CNTNAP2: variants seen among roughly 807,000 people sequenced by gnomAD.
CNTNAP2 encodes contactin-associated protein-like 2.
Under a neutral mutation model 155.2 loss-of-function variants are expected in CNTNAP2, and 98 were observed. The observed-to-expected ratio is 0.63, with a 90% CI of 0.54 to 0.75. The LOEUF (loss-of-function observed/expected upper bound fraction) is 0.75. Among genes scored for constraint, CNTNAP2 ranks in the 30% least tolerant of loss-of-function variants. The pLI, the probability that CNTNAP2 is intolerant of heterozygous loss-of-function variation, is 0.00. For missense variants in CNTNAP2, 1,727 were observed against 1,688.1 expected (o/e 1.02, Z -0.40); for synonymous variants, 651 against 631.2 (o/e 1.03, Z -0.47).
intron 11 of CNTNAP2, among the ~76,000 whole-genome samples, chr7:147,512,281 T>G (rs1488023398): frequency 1.3e-5 from 2 of 152,198 alleles, no homozygotes; most frequent in Admixed American, 6.5e-5. Context: ...TGAGACAGTT[T>G]TTTGGAACCA....
At chr7:146,646,925 C>G (rs879899804) in intron 1 of CNTNAP2, among the ~76,000 whole-genome samples, 1 of 152,080 alleles carries the variant, frequency 6.6e-6, no homozygotes, top group African/African-American at 2.4e-5. Context: ...TGACACAGGA[C>G]AAATTATAAA....
chr7:146,653,417 G>A (rs1217118670), intron 1 of CNTNAP2, among the ~76,000 whole-genome samples: 1 of 152,108 alleles, frequency 6.6e-6, no homozygotes, highest in African/African-American at 2.4e-5. Context: ...TGCCTTCATG[G>A]AGCTTCTCGG....
chr7:147,334,608 A>G (rs546507703), intron 9 of CNTNAP2, among the ~76,000 whole-genome samples: 13 of 152,300 alleles, frequency 8.5e-5, no homozygotes, highest in African/African-American at 3.1e-4. Flanking sequence ...GATCTGCACA[A>G]TTTGGAGATC....
At chr7:147,139,084 A>T (rs1801547371) in intron 8 of CNTNAP2, among the ~76,000 whole-genome samples, 1 of 152,098 alleles carries the variant, frequency 6.6e-6, no homozygotes, top group Admixed American at 6.6e-5. Context: ...CATGTAGTTG[A>T]AGATGTTTCT....
intron 1 of CNTNAP2, among the ~76,000 whole-genome samples, chr7:146,259,723 A>G (rs1442576113): frequency 6.6e-6 from 1 of 152,186 alleles, no homozygotes; most frequent in Admixed American, 6.5e-5. Context: ...GATTACCTAA[A>G]ACTGATACTT....
At chr7:146,443,111 G>A (rs1448119555) in intron 1 of CNTNAP2, among the ~76,000 whole-genome samples, 2 of 151,920 alleles carry the variant, frequency 1.3e-5, no homozygotes, top group Non-Finnish European at 2.9e-5. Flanking sequence ...CTACTAGGGA[G>A]GCTGAGGCAG....
At chr7:146,494,690 G>C (rs1258704207) in intron 1 of CNTNAP2, among the ~76,000 whole-genome samples, 1 of 152,084 alleles carries the variant, frequency 6.6e-6, no homozygotes, top group African/African-American at 2.4e-5. Flanking sequence ...TAACCTGAGT[G>C]GGGGTCTTAA....
chr7:147,010,786 G>A (rs1433145743), intron 3 of CNTNAP2, among the ~76,000 whole-genome samples: 3 of 152,086 alleles, frequency 2.0e-5, no homozygotes, highest in East Asian at 1.9e-4. Context: ...TCATTGTAGT[G>A]ATAATCAATG....
chr7:146,463,385 A>T (rs532464851), intron 1 of CNTNAP2, among the ~76,000 whole-genome samples: 60 of 152,164 alleles, frequency 3.9e-4, no homozygotes, highest in African/African-American at 1.4e-3. Flanking sequence ...ATTAGTTCCA[A>T]ATTCTAAGCA....
At chr7:147,086,815 G>A (rs182751664) in intron 4 of CNTNAP2, among the ~76,000 whole-genome samples, 9 of 152,062 alleles carry the variant, frequency 5.9e-5, no homozygotes, top group Admixed American at 2.0e-4. Flanking sequence ...ATAATGTCTG[G>A]GAAACAGCAA....
intron 1 of CNTNAP2, among the ~76,000 whole-genome samples, chr7:146,345,447 A>C (rs189334443): frequency 2.6e-5 from 4 of 152,136 alleles, no homozygotes; most frequent in African/African-American, 9.7e-5. Context: ...ACGTCTCTTC[A>C]ATCTCAATAC....
intron 3 of CNTNAP2, among the ~76,000 whole-genome samples, chr7:146,971,018 A>T (rs951666649): frequency 6.6e-6 from 1 of 152,112 alleles, no homozygotes; most frequent in Non-Finnish European, 1.5e-5. Flanking sequence ...CAATGAGAAC[A>T]CATGGACACA....
intron 1 of CNTNAP2, among the ~76,000 whole-genome samples, chr7:146,589,391 C>CGT (rs1323590049): frequency 6.6e-6 from 1 of 152,128 alleles, no homozygotes; most frequent in Admixed American, 6.5e-5. Context: ...AAATGTGGCA[C>CGT]GTGTACACCA....
intron 1 of CNTNAP2, among the ~76,000 whole-genome samples, chr7:146,634,037 A>G (rs1274351703): frequency 6.6e-6 from 1 of 151,934 alleles, no homozygotes; most frequent in Non-Finnish European, 1.5e-5. Context: ...GCTACCCTGG[A>G]AAGAGGCTGA....
chr7:146,366,239 A>C (rs1250507569), intron 1 of CNTNAP2, among the ~76,000 whole-genome samples: 1 of 135,058 alleles, frequency 7.4e-6, no homozygotes, highest in Non-Finnish European at 1.5e-5. Flanking sequence ...TTTAGACCTG[A>C]GAGTTTTTTC....
chr7:147,583,202 C>T (rs1371214926), intron 12 of CNTNAP2, among the ~76,000 whole-genome samples: 3 of 151,996 alleles, frequency 2.0e-5, no homozygotes, highest in African/African-American at 7.2e-5. Context: ...AACCCTGAAA[C>T]TCAAAATTAT....
At chr7:146,331,402 C>T (rs1801185941) in intron 1 of CNTNAP2, among the ~76,000 whole-genome samples, 1 of 151,918 alleles carries the variant, frequency 6.6e-6, no homozygotes, top group African/African-American at 2.4e-5. Context: ...CTGGCTGTCT[C>T]AGTTATTCAG....
At chr7:146,817,727 C>T (rs955789618) in intron 2 of CNTNAP2, among the ~76,000 whole-genome samples, 2 of 152,044 alleles carry the variant, frequency 1.3e-5, no homozygotes, top group African/African-American at 4.8e-5. Context: ...ACTCCCTCAT[C>T]ATGATGAGAA....
intron 13 of CNTNAP2, among the ~76,000 whole-genome samples, chr7:147,737,739 C>T (rs1355995203): frequency 2.6e-5 from 4 of 152,188 alleles, no homozygotes; most frequent in East Asian, 1.9e-4. Flanking sequence ...CCCCCAGCCT[C>T]GCTGCTGCCT....
Sources: allele counts gnomAD v4.1 joint callset (sites outside exome capture counted in the v4.1 genomes callset), GRCh38; gene constraint gnomAD v4.1.1; transcripts MANE v1.5; gene names NCBI Gene and HGNC (gene_info 2026-07-23, HGNC 2026-07-21).